The following FLNB variants were observed in gnomAD, a reference collection of about 807,000 sequenced individuals.
The protein encoded by FLNB is filamin-B.
Under a neutral mutation model 250.6 loss-of-function variants are expected in FLNB, and 111 were observed. The ratio of observed to expected loss-of-function variants is 0.44; its 90% CI spans 0.38 to 0.52. The LOEUF is 0.52. Among genes scored for constraint, FLNB ranks in the 20% least tolerant of loss-of-function variants. The pLI, the probability that FLNB is intolerant of heterozygous loss-of-function variation, is 0.00. For synonymous variants in FLNB, 1,302 were observed against 1,372.1 expected, an observed-to-expected ratio of 0.95 and a Z score of 1.13; for missense variants, 2,869 against 3,447.8, an observed-to-expected ratio of 0.83 and a Z score of 4.20.
At chr3:58,063,870 C>A (rs1342711388) in intron 1 of FLNB, among the ~76,000 whole-genome samples, 1 of 152,006 alleles carries the variant, frequency 6.6e-6, no homozygotes, top group Non-Finnish European at 1.5e-5. Context: ...AGGATAAATA[C>A]CTATCCTATT....
In FLNB at chr3:58,081,779, G is replaced by A; in HGVS notation, c.787+3G>A. 2 of 1,614,158 alleles carry A rather than the reference G, an allele frequency of 1.2e-6. No homozygotes were observed. The highest frequency in any genetic ancestry group is 1.7e-6 in the Non-Finnish European group (2 of 1,180,006). ...GAAAGCCAGGGCCTATGGCAGAGGTGAGTGCTGGTCCTCTGGTGTTGTATT... is the reference window on the plus strand; with the variant it reads ...GAAAGCCAGGGCCTATGGCAGAGGTAAGTGCTGGTCCTCTGGTGTTGTATT... On this transcript the variant is annotated splice_donor_region_variant and intron_variant, in intron 4 of 45. Transcript: ENST00000295956.
In FLNB at chr3:58,106,765, G is replaced by C; in HGVS notation, c.1833G>C (p.Lys611Asn). The change falls in exon 12 of 46, where the codon AAG becomes AAC. Residue 611 changes from lysine to asparagine, a missense_variant. Physicochemically the swap from Lys to Asn is moderately conservative, Grantham distance 94. Transcript: ENST00000295956. ...DGSCDVKYWP[K>N]EPGEYAVHIM... ...CGTGTGATGTCAAATACTGGCCCAA[G>C]GAGCCTGGCGAATATGCTGTTCACA... 9.9e-6 allele frequency: 16 copies of C among 1,614,182 alleles called. No individual in the cohort carries two copies. Among genetic ancestry groups the C allele is most frequent in the African/African-American group, 1.3e-5 (1 of 75,038 alleles).
rs764116026 is a variant in FLNB, at chr3:58,109,309, A to G, written c.2186A>G (p.His729Arg). ...AVVWGGVNIP[H>R]SPYRVNIGQG... ...GTCTGGGGAGGCGTGAACATCCCGCACAGCCCCTACAGGGTAGGTTGTGAG... is the reference window on the plus strand; with the variant it reads ...GTCTGGGGAGGCGTGAACATCCCGCGCAGCCCCTACAGGGTAGGTTGTGAG... The change falls in exon 14 of 46, where the codon CAC becomes CGC. Residue 729 changes from histidine to arginine, a missense_variant. By Grantham distance (29) the His-to-Arg change is conservative (BLOSUM62 0). Transcript: ENST00000295956. The G allele has an allele frequency of 2.5e-6, 4 of 1,613,810 alleles. No homozygotes were observed. In the Admixed American group the frequency reaches 5.0e-5, roughly 20 times the overall value.
At chr3:58,014,372 G>T (rs1168712426) in intron 1 of FLNB, among the ~76,000 whole-genome samples, 1 of 152,202 alleles carries the variant, frequency 6.6e-6, no homozygotes, top group African/African-American at 2.4e-5. Context: ...GCTGGACAGG[G>T]AGCTCCAGGC....
At chr3:58,160,557 G>C (rs2107310495) in intron 42 of FLNB, among the ~76,000 whole-genome samples, 1 of 152,336 alleles carries the variant, frequency 6.6e-6, no homozygotes, top group South Asian at 2.1e-4. Flanking sequence ...GAGAGAAATA[G>C]TTTCTGCCTC....
In FLNB at chr3:58,147,070, C is replaced by T. The variant is rs1012762909; in HGVS notation, c.5728+77C>T. On this transcript the variant is annotated intron_variant, in intron 34 of 45. Transcript: ENST00000295956. Reference sequence around the variant, plus strand: ...TGACTGCCACCCTCCTTATCAGACCCCTGGCAGCAGGCTAGACGTCTCTTT... The same window carrying T: ...TGACTGCCACCCTCCTTATCAGACCTCTGGCAGCAGGCTAGACGTCTCTTT... The T allele has an allele frequency of 3.4e-6, 5 of 1,473,288 alleles. No homozygotes were observed. In the African/African-American group the frequency reaches 7.0e-5, roughly 20 times the overall value. The allele number at this position is 1,473,288 out of a possible 1,614,324, so 91.3% of individuals were successfully genotyped here. A position where few individuals can be genotyped will look rare whatever the true frequency, so the allele number is the denominator to read the frequency against.
chr3:58,122,549 G>C (rs1227502725), intron 20 of FLNB, among the ~76,000 whole-genome samples: 1 of 152,108 alleles, frequency 6.6e-6, no homozygotes, highest in Non-Finnish European at 1.5e-5. Context: ...CCTGACTCAA[G>C]GGGTTTTGGA....
At chr3:58,144,252 G>A (rs1186968381) in intron 32 of FLNB, among the ~76,000 whole-genome samples, 3 of 151,996 alleles carry the variant, frequency 2.0e-5, no homozygotes, top group Non-Finnish European at 4.4e-5. Context: ...AGAGTTTCAG[G>A]GTTTTATTTT....
At chr3:58,161,509 A>C (rs1159273358) in intron 42 of FLNB, among the ~76,000 whole-genome samples, 1 of 152,028 alleles carries the variant, frequency 6.6e-6, no homozygotes, top group Non-Finnish European at 1.5e-5. Flanking sequence ...GGGGAAGCTA[A>C]CTCCACCCCA....
At chr3:58,030,764 C>G (rs2097129699) in intron 1 of FLNB, among the ~76,000 whole-genome samples, 1 of 152,084 alleles carries the variant, frequency 6.6e-6, no homozygotes, top group Non-Finnish European at 1.5e-5. Flanking sequence ...GTCCCAGCTA[C>G]TCGGGTGGCT....
At chr3:58,152,601 A>G (rs2097346941) in intron 38 of FLNB, 1 of 350,232 alleles carries the variant, frequency 2.9e-6, no homozygotes, top group South Asian at 3.1e-5. Flanking sequence ...ATCCCATCAC[A>G]TTGTTGGGGG....
intron 36 of FLNB, 115 bp from the exon 37 acceptor site, chr3:58,149,735 T>C (rs956211791): frequency 2.4e-5 from 33 of 1,379,512 alleles, no homozygotes; most frequent in Non-Finnish European, 2.9e-5. Flanking sequence ...ATTGCTTTCT[T>C]TCTGCTATGT....
chr3:58,020,719 GA>G (rs10716613), intron 1 of FLNB, among the ~76,000 whole-genome samples: 56,677 of 125,068 alleles, frequency 0.45, 13,127 homozygotes, highest in East Asian at 0.92. Context: ...TTCCTTTCCA[GA>G]AAAAAAAAAA....
At chr3:58,039,310 TAAA>T (rs80189625) in intron 1 of FLNB, among the ~76,000 whole-genome samples, 5 of 128,304 alleles carry the variant, frequency 3.9e-5, no homozygotes, top group Admixed American at 8.0e-5. Flanking sequence ...ATTTGATAGG[TAAA>T]AAAAAAAAAA....
chr3:58,096,059 T>A (rs370030712), intron 5 of FLNB, 82 bp from the exon 6 acceptor site: 2 of 1,082,622 alleles, frequency 1.8e-6, no homozygotes. Context: ...ACCTGGCAGC[T>A]CCTGCAGAAC....
intron 1 of FLNB, among the ~76,000 whole-genome samples, chr3:58,066,845 G>C (rs2106905508): frequency 6.6e-6 from 1 of 152,312 alleles, no homozygotes; most frequent in East Asian, 1.9e-4. Flanking sequence ...TAGATACTAT[G>C]AGCTGAAAGT....
At chr3:58,075,188 A>G (rs903357063) in intron 1 of FLNB, among the ~76,000 whole-genome samples, 12 of 151,984 alleles carry the variant, frequency 7.9e-5, no homozygotes, top group Admixed American at 7.9e-4. Flanking sequence ...CATGTGTTCA[A>G]CCAGCATTCA....
At chr3:58,041,618 C>T (rs1177306754) in intron 1 of FLNB, among the ~76,000 whole-genome samples, 1 of 152,206 alleles carries the variant, frequency 6.6e-6, no homozygotes, top group Non-Finnish European at 1.5e-5. Flanking sequence ...GTAACTTACC[C>T]ACCACCACTG....
rs940749253 is a variant in FLNB at position 58,153,828 on chromosome 3, C to T, written c.6634+187C>T. ...TTTGTAACTAAGCTTTGCTCACTTACGTAAAGCCAAACAGGTTTCTTACTG... is the reference window on the plus strand; with the variant it reads ...TTTGTAACTAAGCTTTGCTCACTTATGTAAAGCCAAACAGGTTTCTTACTG... On this transcript the variant is annotated intron_variant, in intron 39 of 45. Transcript: ENST00000295956. 3.3e-5 allele frequency among the ~76,000 whole-genome samples: 5 copies of T among 152,238 alleles called. 1 individual carries two copies. The East Asian group carries it at 9.6e-4, about 29-fold the overall frequency.
Sources: allele counts gnomAD v4.1 joint callset (sites outside exome capture counted in the v4.1 genomes callset), GRCh38; gene constraint gnomAD v4.1.1; transcripts MANE v1.5; gene names NCBI Gene and HGNC (gene_info 2026-07-23, HGNC 2026-07-21).